The following ANO10 variants were observed in gnomAD, a reference collection of about 807,000 sequenced individuals.
ANO10 encodes anoctamin-10.
A neutral mutation model predicts 74.7 loss-of-function variants in ANO10; 77 were observed. That is an observed-to-expected ratio of 1.03 (90% CI 0.86 to 1.25). The LOEUF (loss-of-function observed/expected upper bound fraction) is 1.25, where lower values mean the gene tolerates loss of function less well. Among genes scored for constraint, ANO10 ranks in the 50% most tolerant of loss-of-function variants. The probability of loss-of-function intolerance (pLI) is 0.00; values close to 1 mark genes in which losing one functional copy is unlikely to be tolerated. For synonymous variants in ANO10, 279 were observed against 284.9 expected, an observed-to-expected ratio of 0.98 and a Z score of 0.21; for missense variants, 721 against 778.1, an observed-to-expected ratio of 0.93 and a Z score of 0.87.
At chr3:43,381,611 G>A (rs1330811455) in intron 12 of ANO10, among the ~76,000 whole-genome samples, 4 of 152,082 alleles carry the variant, frequency 2.6e-5, no homozygotes, top group African/African-American at 2.4e-5. Flanking sequence ...ACAGCAACAC[G>A]ATAATAGTGG....
rs1348995359 is a variant in ANO10, at chr3:43,377,804, T to C, written c.1915-10830A>G. Among the ~76,000 whole-genome samples the C allele has an allele frequency of 2.0e-5, 3 of 152,186 alleles. 1 individual carries two copies. Among genetic ancestry groups the C allele is most frequent in the Admixed American group, 2.0e-4 (3 of 15,286 alleles). ...AGGTGACATTTACAGATCCAGGAAT[T>C]GAAGCCTTGACAGTTTGGTTAGATC... On this transcript the variant is annotated intron_variant, in intron 12 of 12. Coordinates refer to ENST00000292246, the MANE Select transcript of ANO10 (RefSeq NM_018075.5).
chr3:43,565,402 G>C (rs944582606), intron 8 of ANO10, among the ~76,000 whole-genome samples: 2 of 152,160 alleles, frequency 1.3e-5, no homozygotes, highest in African/African-American at 2.4e-5. Flanking sequence ...TACAAGCTTT[G>C]AGGTGAACTA....
intron 12 of ANO10, among the ~76,000 whole-genome samples, chr3:43,397,182 G>A (rs929530811): frequency 6.6e-6 from 1 of 152,112 alleles, no homozygotes; most frequent in Non-Finnish European, 1.5e-5. Context: ...ACCTGCCTCA[G>A]CCTCCTAAAA....
At chr3:43,597,197 A>T (rs1297788705) in intron 4 of ANO10, among the ~76,000 whole-genome samples, 2 of 152,190 alleles carry the variant, frequency 1.3e-5, no homozygotes, top group Admixed American at 6.5e-5. Context: ...ATTGTGGAAG[A>T]CAGTGGCGAT....
chr3:43,571,701 G>A (rs1277306989), intron 7 of ANO10, among the ~76,000 whole-genome samples: 1 of 151,554 alleles, frequency 6.6e-6, no homozygotes, highest in Non-Finnish European at 1.5e-5. Flanking sequence ...GGGGGCAGGG[G>A]GGAGGGATAG....
intron 1 of ANO10, among the ~76,000 whole-genome samples, chr3:43,612,162 A>ATG (rs2149516367): frequency 7.7e-6 from 1 of 130,258 alleles, no homozygotes; most frequent in East Asian, 2.2e-4. Flanking sequence ...ATATATATAT[A>ATG]TATATATATA....
chr3:43,539,975 G>T (rs1434927114), intron 11 of ANO10, among the ~76,000 whole-genome samples: 2 of 152,066 alleles, frequency 1.3e-5, no homozygotes, highest in Non-Finnish European at 2.9e-5. Context: ...GCAAAAACTG[G>T]ATGTTAACTA....
intron 10 of ANO10, among the ~76,000 whole-genome samples, chr3:43,554,681 G>C (rs2079650487): frequency 6.6e-6 from 1 of 152,058 alleles, no homozygotes; most frequent in Non-Finnish European, 1.5e-5. Flanking sequence ...TGGCATCCAG[G>C]GGGGATTCCT....
chr3:43,443,145 A>G (rs2093186035), intron 11 of ANO10, among the ~76,000 whole-genome samples: 1 of 151,984 alleles, frequency 6.6e-6, no homozygotes, highest in African/African-American at 2.4e-5. Context: ...TAGTGTGCTG[A>G]GGATCCACAC....
chr3:43,513,327 T>C (rs1031665165), intron 11 of ANO10, among the ~76,000 whole-genome samples: 1 of 152,176 alleles, frequency 6.6e-6, no homozygotes, highest in African/African-American at 2.4e-5. Flanking sequence ...AGTAAACTAT[T>C]GTATGGTTCT....
intron 11 of ANO10, among the ~76,000 whole-genome samples, chr3:43,547,178 G>C (rs1435158362): frequency 6.6e-6 from 1 of 152,134 alleles, no homozygotes; most frequent in Non-Finnish European, 1.5e-5. Context: ...TATCATCCAT[G>C]AATTCTATGT....
Position 43,366,826 on chromosome 3 carries a change from CG to C in ANO10, c.*79del. On this transcript the variant is annotated 3_prime_UTR_variant, in exon 13 of 13. Transcript: ENST00000292246. ...GGGTTCAGGAGCCACGATGCTGCCC[CG>C]GGTACCCCCCCTGCCACCGTGGCAG... 7.0e-7 allele frequency: 1 copy of C among 1,434,344 alleles called. No homozygotes were observed. The allele number at this position is 1,434,344 out of a possible 1,614,324, so 88.9% of individuals were successfully genotyped here.
At chr3:43,617,045 G>A (rs1001354843) in intron 1 of ANO10, among the ~76,000 whole-genome samples, 1 of 151,146 alleles carries the variant, frequency 6.6e-6, no homozygotes, top group Non-Finnish European at 1.5e-5. Flanking sequence ...TAAATATCAA[G>A]TGTAAGGTGT....
At chr3:43,544,118 T>G (rs1483912976) in intron 11 of ANO10, among the ~76,000 whole-genome samples, 1 of 152,186 alleles carries the variant, frequency 6.6e-6, no homozygotes, top group Non-Finnish European at 1.5e-5. Context: ...AATCTTTTGC[T>G]AAAAATTACA....
intron 1 of ANO10, among the ~76,000 whole-genome samples, chr3:43,641,542 A>T (rs931596924): frequency 6.6e-6 from 1 of 152,246 alleles, no homozygotes; most frequent in African/African-American, 2.4e-5. Context: ...TGCTAATGAA[A>T]GTTCTCCACC....
chr3:43,587,567 C>A (rs748695906), intron 4 of ANO10, among the ~76,000 whole-genome samples: 57 of 152,232 alleles, frequency 3.7e-4, no homozygotes, highest in Non-Finnish European at 6.6e-4. Context: ...TTGGAAAGTA[C>A]ACAGAACAAG....
intron 9 of ANO10, among the ~76,000 whole-genome samples, chr3:43,557,592 G>A (rs1441122971): frequency 1.3e-5 from 2 of 151,664 alleles, no homozygotes; most frequent in Non-Finnish European, 2.9e-5. Context: ...AAAATTAGCC[G>A]GGCATGGTGG....
At chr3:43,547,744 G>A (rs1434294045) in intron 11 of ANO10, among the ~76,000 whole-genome samples, 1 of 152,200 alleles carries the variant, frequency 6.6e-6, no homozygotes, top group Non-Finnish European at 1.5e-5. Context: ...TTATAGGCCA[G>A]TAAGTCTCCC....
chr3:43,432,981 G>A (rs536467685), intron 11 of ANO10, among the ~76,000 whole-genome samples: 3 of 51,140 alleles, frequency 5.9e-5, no homozygotes, highest in South Asian at 6.9e-4. Flanking sequence ...TTTTGAGACC[G>A]AGTTTCATTC....
Sources: gnomAD v4.1 joint callset for allele counts (sites outside exome capture counted in the v4.1 genomes callset) on GRCh38, gnomAD v4.1.1 for gene constraint, MANE v1.5 for transcripts, NCBI Gene and HGNC (gene_info 2026-07-23, HGNC 2026-07-21) for gene names.